The following TRAK1 variants were observed in gnomAD, a reference collection of about 807,000 sequenced individuals.
The protein encoded by TRAK1 is trafficking kinesin protein 1.
Under a neutral mutation model 92.1 loss-of-function variants are expected in TRAK1, and 33 were observed. The ratio of observed to expected loss-of-function variants is 0.36; its 90% CI spans 0.27 to 0.48. TRAK1 has a LOEUF of 0.48. Ranked by LOEUF, TRAK1 falls within the 20% of genes least tolerant of loss-of-function variation. The pLI is 0.99. For synonymous variants in TRAK1, 521 were observed against 517.3 expected (o/e 1.01, Z -0.10); for missense variants, 1,123 against 1,257.9 (o/e 0.89, Z 1.62).
chr3:42,102,459 T>C (rs1305196295), intron 1 of TRAK1, among the ~76,000 whole-genome samples: 6 of 152,238 alleles, frequency 3.9e-5, no homozygotes, highest in Admixed American at 3.3e-4. Flanking sequence ...GATTTGCTGA[T>C]GTGTTAAGGG....
chr3:42,080,273 G>A (rs1479447729), intron 1 of TRAK1, among the ~76,000 whole-genome samples: 1 of 152,112 alleles, frequency 6.6e-6, no homozygotes, highest in African/African-American at 2.4e-5. Context: ...GACAAACTGG[G>A]GGCCGGAATT....
chr3:42,160,121 C>T (rs1273742899), intron 2 of TRAK1: 7 of 1,233,174 alleles, frequency 5.7e-6, no homozygotes, highest in African/African-American at 1.5e-5. Flanking sequence ...CACCCCACCC[C>T]GCCCCTCCTC....
At chr3:42,174,471 A>C (rs1235463117) in intron 2 of TRAK1, among the ~76,000 whole-genome samples, 1 of 151,854 alleles carries the variant, frequency 6.6e-6, no homozygotes. Context: ...GAACTGGATA[A>C]AGGGTATACA....
At chr3:42,148,648 C>T (rs930827490) in intron 2 of TRAK1, among the ~76,000 whole-genome samples, 2 of 152,204 alleles carry the variant, frequency 1.3e-5, no homozygotes, top group African/African-American at 4.8e-5. Flanking sequence ...GCATATTGTA[C>T]TGCACAAGCC....
chr3:42,015,363 A>T (rs991647611), intron 1 of TRAK1, among the ~76,000 whole-genome samples: 8 of 152,056 alleles, frequency 5.3e-5, no homozygotes, highest in African/African-American at 9.7e-5. Flanking sequence ...CCCCAGCACC[A>T]GCCGTTTCCT....
intron 2 of TRAK1, among the ~76,000 whole-genome samples, chr3:42,125,937 G>A (rs1361334580): frequency 6.7e-6 from 1 of 150,248 alleles, no homozygotes; most frequent in Non-Finnish European, 1.5e-5. Flanking sequence ...TACAACCTCT[G>A]CCTCCTGGGT....
chr3:42,179,314 GC>G (rs1703675108), intron 3 of TRAK1, among the ~76,000 whole-genome samples: 1 of 152,198 alleles, frequency 6.6e-6, no homozygotes, highest in South Asian at 2.1e-4. Context: ...GTTTTCCTGG[GC>G]TTTGGCTCTG....
At chr3:42,109,963 T>G (rs1331405262) in intron 1 of TRAK1, among the ~76,000 whole-genome samples, 9 of 148,996 alleles carry the variant, frequency 6.0e-5, no homozygotes, top group East Asian at 2.0e-4. Context: ...GGGGTAGGGG[T>G]GGCGGGGGGG....
At chr3:42,206,211 A>T (rs1344923560) in intron 13 of TRAK1, among the ~76,000 whole-genome samples, 1 of 152,214 alleles carries the variant, frequency 6.6e-6, no homozygotes, top group Admixed American at 6.5e-5. Flanking sequence ...TGGTTTAGGC[A>T]GCAGCAGGGA....
intron 2 of TRAK1, among the ~76,000 whole-genome samples, chr3:42,156,952 G>C (rs1052845081): frequency 2.0e-5 from 3 of 152,106 alleles, no homozygotes; most frequent in African/African-American, 7.2e-5. Flanking sequence ...TCAGGAGTTT[G>C]AGACCAGCTT....
intron 1 of TRAK1, among the ~76,000 whole-genome samples, chr3:42,110,132 A>ATATATATATATATATATATATAT (rs58099544): frequency 3.7e-4 from 47 of 128,162 alleles, no homozygotes; most frequent in Non-Finnish European, 5.6e-4. Context: ...ATATATATAT[A>ATATATATATATATATATATATAT]AACTTTGTGT....
chr3:42,111,186 C>T (rs1348540821), intron 1 of TRAK1, among the ~76,000 whole-genome samples: 1 of 152,056 alleles, frequency 6.6e-6, no homozygotes, highest in Non-Finnish European at 1.5e-5. Flanking sequence ...AAATCTGAGA[C>T]GGTGAAAAAA....
At chr3:42,181,956 C>CTT (rs202124618) in intron 3 of TRAK1, among the ~76,000 whole-genome samples, 9 of 133,442 alleles carry the variant, frequency 6.7e-5, no homozygotes, top group East Asian at 2.1e-4. Flanking sequence ...AATAAGGTAC[C>CTT]TTTTTTTTTT....
chr3:42,049,474 T>C (rs1166556438), intron 1 of TRAK1, among the ~76,000 whole-genome samples: 1 of 152,038 alleles, frequency 6.6e-6, no homozygotes, highest in Admixed American at 6.5e-5. Context: ...ACTTTTTCCA[T>C]CACCCATTTC....
intron 1 of TRAK1, among the ~76,000 whole-genome samples, chr3:42,068,419 G>A (rs1176384349): frequency 6.6e-6 from 1 of 152,130 alleles, no homozygotes; most frequent in Non-Finnish European, 1.5e-5. Context: ...TTCAGCCTTG[G>A]TCTCCCGAAG....
At chr3:42,163,442 G>A (rs374990042) in intron 2 of TRAK1, among the ~76,000 whole-genome samples, 6 of 151,984 alleles carry the variant, frequency 3.9e-5, no homozygotes, top group South Asian at 4.2e-4. Context: ...GGTGGCGGGC[G>A]CCTGTAGTCC....
At chr3:42,145,215 T>C (rs922683734) in intron 2 of TRAK1, among the ~76,000 whole-genome samples, 1 of 152,236 alleles carries the variant, frequency 6.6e-6, no homozygotes, top group Non-Finnish European at 1.5e-5. Context: ...CCAACCGTGG[T>C]GGCCCACGCC....
chr3:42,095,824 G>A (rs926919277), intron 1 of TRAK1, among the ~76,000 whole-genome samples: 7 of 152,200 alleles, frequency 4.6e-5, no homozygotes, highest in African/African-American at 1.7e-4. Context: ...AATCAGCAGT[G>A]CAATGGTATC....
chr3:42,204,581 T>C (rs750474515), intron 13 of TRAK1, among the ~76,000 whole-genome samples: 46 of 152,302 alleles, frequency 3.0e-4, no homozygotes, highest in Middle Eastern at 3.4e-3. Flanking sequence ...TTCTTAGCTG[T>C]TTATTTATGT....
Sources: allele counts gnomAD v4.1 joint callset (sites outside exome capture counted in the v4.1 genomes callset), GRCh38; gene constraint gnomAD v4.1.1; transcripts MANE v1.5; gene names NCBI Gene and HGNC (gene_info 2026-07-23, HGNC 2026-07-21).